The following PRSS57 variants were observed in gnomAD, a reference collection of about 807,000 sequenced individuals.
The protein encoded by PRSS57 is serine protease 57.
In PRSS57, 19 loss-of-function variants were observed where a neutral mutation model predicts 20.6. The observed-to-expected ratio is 0.92, with a 90% CI of 0.64 to 1.35. The LOEUF (loss-of-function observed/expected upper bound fraction) is 1.35. Among genes scored for constraint, PRSS57 ranks in the 40% most tolerant of loss-of-function variants. The pLI, the probability that PRSS57 is intolerant of heterozygous loss-of-function variation, is 0.00. For synonymous variants in PRSS57, 203 were observed against 176.6 expected, an observed-to-expected ratio of 1.15 and a Z score of -1.19; for missense variants, 440 against 403.7, an observed-to-expected ratio of 1.09 and a Z score of -0.77.
chr19:695,133 C>T (rs1237499659), intron 1 of PRSS57, among the ~76,000 whole-genome samples, 166 bp from the exon 2 acceptor site: 10 of 152,080 alleles, frequency 6.6e-5, no homozygotes, highest in Admixed American at 4.6e-4. Context: ...CCCCCAGATG[C>T]GCTGGGAGGG....
rs1163125301 is a variant in PRSS57 at position 694,846 on chromosome 19, C to T, written c.201G>A (p.Trp67Ter). 3.1e-6 allele frequency: 5 copies of T among 1,607,108 alleles called. No homozygotes were observed. The highest frequency in any genetic ancestry group is 1.7e-5 in the Admixed American group (1 of 59,234). The change falls in exon 2 of 5, where the codon TGG (tryptophan) becomes TGA (stop). Residue 67 changes from tryptophan (W) to a stop codon, truncating the protein, a stop_gained. Coordinates refer to ENST00000329267, the MANE Select transcript of PRSS57 (RefSeq NM_001308209.2). LOFTEE classifies it high-confidence loss of function. Reference sequence around the variant, plus strand: ...TGAAGCAGTGGGCGGCCGAGACCACCCAGCGGGCTCGCAGCAGGAAGCCTC... The same window carrying T: ...TGAAGCAGTGGGCGGCCGAGACCACTCAGCGGGCTCGCAGCAGGAAGCCTC... ...HCGGFLLRARWVVSAAHCFSH... is the reference protein window; with the variant it reads ...HCGGFLLRAR
At chr19:690,720 G>A in intron 3 of PRSS57, 1 of 340,850 alleles carries the variant, frequency 2.9e-6, no homozygotes, top group Non-Finnish European at 5.6e-6. Context: ...GGCCACGTCG[G>A]TCTGGGTGTT....
At chr19:686,544 G>A (rs190425471) in intron 4 of PRSS57, among the ~76,000 whole-genome samples, 7 of 152,222 alleles carry the variant, frequency 4.6e-5, no homozygotes, top group Middle Eastern at 3.4e-3. Context: ...GGCTAAGTGT[G>A]TGTCCTGAAC....
At chr19:688,998 T>C (rs1287379275) in intron 3 of PRSS57, among the ~76,000 whole-genome samples, 1 of 152,054 alleles carries the variant, frequency 6.6e-6, no homozygotes, top group Non-Finnish European at 1.5e-5. Context: ...CTGTGTGCCA[T>C]AAATGGCCAT....
intron 3 of PRSS57, among the ~76,000 whole-genome samples, chr19:687,882 A>C (rs911738182): frequency 6.6e-6 from 1 of 151,206 alleles, no homozygotes; most frequent in Non-Finnish European, 1.5e-5. Flanking sequence ...CCTGCCACAC[A>C]CCTCCCCTCA....
At chr19:693,457 C>T (rs897186220) in intron 2 of PRSS57, among the ~76,000 whole-genome samples, 1 of 152,042 alleles carries the variant, frequency 6.6e-6, no homozygotes, top group Non-Finnish European at 1.5e-5. Context: ...CCTCAGTCCA[C>T]TCATCTATGA....
Position 685,748 on chromosome 19 carries a change from C to T in PRSS57, c.817G>A (p.Gly273Arg), listed in dbSNP as rs201916859. ...RSSPQPGPLP[G>R]TTRPPGEAA ...GCTTCTCCTGGGGGCCTGGTGGTCCCAGGCAGGGGGCCGGGCTGGGGACTG... is the reference window on the plus strand; with the variant it reads ...GCTTCTCCTGGGGGCCTGGTGGTCCTAGGCAGGGGGCCGGGCTGGGGACTG... Residue 273 changes from glycine to arginine, a missense_variant, in exon 5 of 5, where the codon GGG (glycine) becomes AGG (arginine). Gly to Arg is a moderately radical substitution (Grantham distance 125, BLOSUM62 -2). Coordinates refer to ENST00000329267, the MANE Select transcript of PRSS57 (RefSeq NM_001308209.2). The T allele has an allele frequency of 2.1e-5, 32 of 1,558,480 alleles. No homozygotes were observed. The highest frequency in any genetic ancestry group is 2.6e-5 in the Non-Finnish European group (30 of 1,148,006).
At chr19:688,544 C>A (rs530162142) in intron 3 of PRSS57, among the ~76,000 whole-genome samples, 1 of 149,782 alleles carries the variant, frequency 6.7e-6, no homozygotes, top group African/African-American at 2.5e-5. Flanking sequence ...GGCGGGTCTG[C>A]ATGGATGCAC....
At chr19:687,329 G>A (rs1008896291) in intron 3 of PRSS57, 141 bp from the exon 4 acceptor site, 15 of 994,386 alleles carry the variant, frequency 1.5e-5, no homozygotes, top group African/African-American at 9.9e-5. Flanking sequence ...AGGAGGCCCC[G>A]TTCCTTCTGC....
At chr19:688,943 C>T (rs906949426) in intron 3 of PRSS57, among the ~76,000 whole-genome samples, 2 of 152,072 alleles carry the variant, frequency 1.3e-5, no homozygotes, top group African/African-American at 4.8e-5. Flanking sequence ...GGCAGGGGCC[C>T]GAGAGGCACA....
At chr19:687,943 G>A (rs927306061) in intron 3 of PRSS57, among the ~76,000 whole-genome samples, 1 of 152,154 alleles carries the variant, frequency 6.6e-6, no homozygotes, top group Non-Finnish European at 1.5e-5. Context: ...TCTCAGCATG[G>A]ATGCCACCTC....
At position 685,748 on chromosome 19, in the gene PRSS57, C is replaced by G. The variant is rs201916859; in HGVS notation, c.817G>C (p.Gly273Arg). Residue 273 changes from glycine to arginine, a missense_variant, in exon 5 of 5, where the codon GGG becomes CGG. By Grantham distance (125) the Gly-to-Arg change is moderately radical. Transcript: ENST00000329267. Reference protein sequence around the residue: ...RSSPQPGPLPGTTRPPGEAA With the variant: ...RSSPQPGPLPRTTRPPGEAA The stretch of plus-strand genomic sequence containing the variant: ...GCTTCTCCTGGGGGCCTGGTGGTCC[C>G]AGGCAGGGGGCCGGGCTGGGGACTG... 2 of 1,558,480 alleles carry G rather than the reference C, an allele frequency of 1.3e-6. No individual in the cohort carries two copies.
chr19:688,730 C>G (rs557220192), intron 3 of PRSS57, among the ~76,000 whole-genome samples: 73 of 152,090 alleles, frequency 4.8e-4, no homozygotes, highest in Middle Eastern at 3.4e-3. Context: ...TCCCGAGTAG[C>G]TGGGATGACT....
intron 3 of PRSS57, among the ~76,000 whole-genome samples, chr19:688,368 T>C (rs1357738392): frequency 1.4e-5 from 2 of 145,542 alleles, no homozygotes; most frequent in African/African-American, 5.2e-5. Context: ...TTTTTCAGAG[T>C]CTTGCTCTGT....
At chr19:695,012 G>C in intron 1 of PRSS57, 45 bp from the exon 2 acceptor site, 1 of 1,479,068 alleles carries the variant, frequency 6.8e-7, no homozygotes, top group South Asian at 1.4e-5. Flanking sequence ...GGGAGGAACG[G>C]ATGACGGGGC....
At position 687,013 on chromosome 19, in the gene PRSS57, T is replaced by G. The variant is rs1425750061; in HGVS notation, c.554A>C (p.Asp185Ala). ...MEAKVRVLDP[D>A]VCNSSWKGHL... Reference sequence around the variant, plus strand: ...GCCCTTCCAGGAGCTGTTGCAGACGTCCGGGTCCAGCACTCGGACCTTGGC... The same window carrying G: ...GCCCTTCCAGGAGCTGTTGCAGACGGCCGGGTCCAGCACTCGGACCTTGGC... The change falls in exon 4 of 5, where the codon GAC becomes GCC. Residue 185 changes from aspartate (D) to alanine (A), a missense_variant. By Grantham distance (126) the Asp-to-Ala change is moderately radical (BLOSUM62 -2). Transcript: ENST00000329267. 1 of 1,614,080 alleles carries G rather than the reference T, an allele frequency of 6.2e-7. No individual in the cohort carries two copies. Among genetic ancestry groups the G allele is most frequent in the East Asian group, 2.2e-5 (1 of 44,880 alleles).
intron 3 of PRSS57, among the ~76,000 whole-genome samples, chr19:689,185 G>T (rs74197618): frequency 9.8e-6 from 1 of 102,086 alleles, no homozygotes; most frequent in Non-Finnish European, 2.0e-5. Flanking sequence ...GTGACGACGG[G>T]GCTGGAAGGG....
intron 3 of PRSS57, among the ~76,000 whole-genome samples, chr19:687,556 A>G (rs1284669403): frequency 6.6e-6 from 1 of 151,640 alleles, no homozygotes; most frequent in African/African-American, 2.4e-5. Context: ...ACAGGCGTGC[A>G]CCACCACACC....
chr19:685,579 C>A lies in PRSS57; in HGVS notation c.*137G>T. ...ACATTTTACTGGGTTTGCTTCTGCC[C>A]TTTGCATGTGGAATGGGTGTGCCCC... is the stretch of plus-strand genomic sequence containing the variant. On this transcript the variant is annotated 3_prime_UTR_variant, in exon 5 of 5. Coordinates refer to ENST00000329267, the MANE Select transcript of PRSS57 (RefSeq NM_001308209.2). The A allele has an allele frequency of 1.2e-6, 1 of 818,276 alleles. No homozygotes were observed. The highest frequency in any genetic ancestry group is 1.7e-5 in the African/African-American group (1 of 58,098). The allele number at this position is 818,276 out of a possible 1,614,324, so 50.7% of individuals were successfully genotyped here. A position where few individuals can be genotyped will look rare whatever the true frequency, so the allele number is the denominator to read the frequency against.
Sources: gnomAD v4.1 joint callset for allele counts (sites outside exome capture counted in the v4.1 genomes callset) on GRCh38, gnomAD v4.1.1 for gene constraint, MANE v1.5 for transcripts, NCBI Gene and HGNC (gene_info 2026-07-23, HGNC 2026-07-21) for gene names.